The following CSMD1 variants were observed in gnomAD, a reference collection of about 807,000 sequenced individuals.
The protein encoded by CSMD1 is CUB and Sushi multiple domains 1.
CSMD1 carries 213 observed loss-of-function variants against 417.5 expected under a neutral mutation model. That is an observed-to-expected ratio of 0.51 (90% confidence interval 0.46 to 0.57). The LOEUF (loss-of-function observed/expected upper bound fraction) is 0.57, where lower values mean the gene tolerates loss of function less well. CSMD1 is among the 20% of genes least tolerant of loss of function. The probability of loss-of-function intolerance (pLI) is 0.00; values close to 1 mark genes in which losing one functional copy is unlikely to be tolerated. For missense variants in CSMD1, 6,923 were observed against 4,529.7 expected, an observed-to-expected ratio of 1.53 and a Z score of -15.17; for synonymous variants, 2,862 against 1,736.8, an observed-to-expected ratio of 1.65 and a Z score of -16.11.
At chr8:4,227,179 G>A (rs754685211) in intron 3 of CSMD1, among the ~76,000 whole-genome samples, 5 of 152,060 alleles carry the variant, frequency 3.3e-5, no homozygotes, top group Non-Finnish European at 5.9e-5. Flanking sequence ...CTGCCCTCAT[G>A]GTTGCTGAGG....
At chr8:4,698,165 A>G (rs1797645504) in intron 1 of CSMD1, among the ~76,000 whole-genome samples, 1 of 148,922 alleles carries the variant, frequency 6.7e-6, no homozygotes, top group Non-Finnish European at 1.5e-5. Flanking sequence ...ATTGAACATA[A>G]TATTATATGC....
intron 3 of CSMD1, among the ~76,000 whole-genome samples, chr8:4,090,911 C>G (rs1585293358): frequency 6.9e-6 from 1 of 144,562 alleles, no homozygotes; most frequent in African/African-American, 2.5e-5. Context: ...AAGGGGCAGT[C>G]TTTTTTTTTT....
At position 3,844,492 on chromosome 8, in the gene CSMD1, G is replaced by C. The variant is rs563208505; in HGVS notation, c.819-90450C>G. ...GGATTCAGAGAGAGCAATCTCTTTG[G>C]TAATGTGACTAACCGTAACTTCATC... On this transcript the variant is annotated intron_variant, in intron 5 of 69. Transcript: ENST00000635120. Among the ~76,000 whole-genome samples, 4 of 152,252 alleles carry C rather than the reference G, an allele frequency of 2.6e-5. No individual in the cohort carries two copies. The South Asian group carries it at 8.3e-4, about 32-fold the overall frequency.
intron 3 of CSMD1, among the ~76,000 whole-genome samples, chr8:4,228,521 A>G (rs1194430655): frequency 6.7e-6 from 1 of 150,204 alleles, no homozygotes; most frequent in Non-Finnish European, 1.5e-5. Flanking sequence ...TCAACCCTGT[A>G]TCTTGGCTCT....
intron 3 of CSMD1, among the ~76,000 whole-genome samples, chr8:4,192,925 G>C (rs140005168): frequency 1.3e-5 from 2 of 152,134 alleles, no homozygotes; most frequent in Admixed American, 6.5e-5. Flanking sequence ...CTTTACCTAA[G>C]AGTATTTTCT....
intron 5 of CSMD1, among the ~76,000 whole-genome samples, chr8:3,923,698 C>T (rs927909467): frequency 2.0e-5 from 3 of 152,100 alleles, no homozygotes; most frequent in Non-Finnish European, 4.4e-5. Context: ...CCATGCTGTA[C>T]AATAAATCTC....
chr8:4,828,298 C>G (rs1373262828), intron 1 of CSMD1, among the ~76,000 whole-genome samples: 45 of 152,120 alleles, frequency 3.0e-4, no homozygotes. Flanking sequence ...AAAATTATGT[C>G]AACAAATGTG....
At chr8:3,804,571 C>A (rs577045865) in intron 5 of CSMD1, among the ~76,000 whole-genome samples, 1 of 152,022 alleles carries the variant, frequency 6.6e-6, no homozygotes, top group Non-Finnish European at 1.5e-5. Context: ...GTCACAGGTC[C>A]AATTTTTTCT....
At chr8:4,735,680 T>G (rs1194108315) in intron 1 of CSMD1, among the ~76,000 whole-genome samples, 2 of 152,160 alleles carry the variant, frequency 1.3e-5, no homozygotes, top group African/African-American at 2.4e-5. Flanking sequence ...TGCCAGACAC[T>G]TATTTGAACA....
intron 7 of CSMD1, among the ~76,000 whole-genome samples, chr8:3,648,195 A>T (rs1272182539): frequency 6.6e-6 from 1 of 152,224 alleles, no homozygotes; most frequent in Non-Finnish European, 1.5e-5. Flanking sequence ...ATATGTGTAT[A>T]TTACTCTTCT....
intron 28 of CSMD1, among the ~76,000 whole-genome samples, chr8:3,221,691 C>T (rs1424976430): frequency 6.6e-6 from 1 of 151,942 alleles, no homozygotes. Flanking sequence ...GCCAGCTGCA[C>T]GTATCTCTAA....
At chr8:4,786,992 G>T (rs568407662) in intron 1 of CSMD1, among the ~76,000 whole-genome samples, 1 of 152,168 alleles carries the variant, frequency 6.6e-6, no homozygotes. Flanking sequence ...GAAGACTGGA[G>T]AGACCCCGTG....
chr8:4,347,711 C>T lies in CSMD1; in HGVS notation c.415+72242G>A, dbSNP rs1420483725. On this transcript the variant is annotated intron_variant, in intron 3 of 69. Coordinates refer to ENST00000635120, the MANE Select transcript of CSMD1 (RefSeq NM_033225.6). ...TTACTACAAACATCCCTTCTATCTC[C>T]TGTAGCACGTAACTCAATTCTGAGT... Among the ~76,000 whole-genome samples the T allele has an allele frequency of 2.6e-5, 4 of 152,102 alleles. No individual in the cohort carries two copies. In the East Asian group the frequency reaches 7.7e-4, roughly 29 times the overall value.
At position 3,604,922 on chromosome 8, in the gene CSMD1, T is replaced by A. The variant is rs533154550; in HGVS notation, c.1097+11788A>T. Among the ~76,000 whole-genome samples, 4 of 152,328 alleles carry A rather than the reference T, an allele frequency of 2.6e-5. No individual in the cohort carries two copies. The East Asian group carries it at 7.7e-4, about 29-fold the overall frequency. ...GCTTGGGCTTGTTTGACACTTTTCA[T>A]AATAAAATTTATAATGTGCCTTTGG... On this transcript the variant is annotated intron_variant, in intron 8 of 69. Coordinates refer to ENST00000635120, the MANE Select transcript of CSMD1 (RefSeq NM_033225.6).
At chr8:4,285,842 T>C (rs1379919488) in intron 3 of CSMD1, among the ~76,000 whole-genome samples, 2 of 152,218 alleles carry the variant, frequency 1.3e-5, no homozygotes, top group Admixed American at 1.3e-4. Context: ...TTGGCTATTT[T>C]AATCAGGAAC....
intron 2 of CSMD1, among the ~76,000 whole-genome samples, chr8:4,578,193 C>T (rs978331830): frequency 6.6e-6 from 1 of 152,092 alleles, no homozygotes; most frequent in African/African-American, 2.4e-5. Context: ...GGAAGTCTCG[C>T]TCTGTTGCCC....
intron 4 of CSMD1, among the ~76,000 whole-genome samples, chr8:4,019,473 C>T (rs535556060): frequency 6.1e-5 from 9 of 147,180 alleles, no homozygotes; most frequent in Middle Eastern, 7.0e-3. Flanking sequence ...CTTATTAGGG[C>T]CCACTGTTTT....
At chr8:4,605,437 T>C (rs960688774) in intron 2 of CSMD1, among the ~76,000 whole-genome samples, 1 of 152,214 alleles carries the variant, frequency 6.6e-6, no homozygotes, top group African/African-American at 2.4e-5. Context: ...GAGACTATAA[T>C]GGTCCCCAGA....
intron 1 of CSMD1, among the ~76,000 whole-genome samples, chr8:4,914,944 A>T (rs758944527): frequency 3.5e-4 from 54 of 152,188 alleles, no homozygotes; most frequent in Non-Finnish European, 6.6e-4. Context: ...AAAGAAAATG[A>T]TGATGATGAT....
Sources: gnomAD v4.1 joint callset for allele counts (sites outside exome capture counted in the v4.1 genomes callset) on GRCh38, gnomAD v4.1.1 for gene constraint, MANE v1.5 for transcripts, NCBI Gene and HGNC (gene_info 2026-07-23, HGNC 2026-07-21) for gene names.